Variants in PCCA observed in about 807,000 individuals in gnomAD.
The protein encoded by PCCA is propionyl-CoA carboxylase alpha chain, mitochondrial.
Under a neutral mutation model 101.3 loss-of-function variants are expected in PCCA, and 74 were observed. The observed-to-expected ratio is 0.73, with a 90% CI of 0.61 to 0.89. The LOEUF is 0.89. PCCA is among the 40% of genes least tolerant of loss of function. PCCA has a pLI of 0.00. For missense variants in PCCA, 891 were observed against 907.0 expected, an observed-to-expected ratio of 0.98 and a Z score of 0.23; for synonymous variants, 294 against 313.6, an observed-to-expected ratio of 0.94 and a Z score of 0.66.
intron 14 of PCCA, among the ~76,000 whole-genome samples, chr13:100,304,768 G>A (rs2152689155): frequency 6.6e-6 from 1 of 152,268 alleles, no homozygotes; most frequent in South Asian, 2.1e-4. Flanking sequence ...AGAGCAGTCA[G>A]TTTACCTTAG....
intron 4 of PCCA, among the ~76,000 whole-genome samples, chr13:100,147,690 A>G (rs1302193874): frequency 1.3e-5 from 2 of 152,154 alleles, no homozygotes; most frequent in Non-Finnish European, 2.9e-5. Context: ...TAAAGATTGC[A>G]AGCTAGAGCT....
chr13:100,332,894 C>T (rs1259126608), intron 17 of PCCA, among the ~76,000 whole-genome samples: 1 of 152,118 alleles, frequency 6.6e-6, no homozygotes, highest in Non-Finnish European at 1.5e-5. Context: ...GAAACTAGAG[C>T]TCAGAGATAT....
In PCCA at chr13:100,224,384, C is replaced by A. The variant is rs1594803656; in HGVS notation, c.601-11458C>A. Reference sequence around the variant, plus strand: ...AGCCCACGCCCACCCGGAACTCCAGCTGGCCCGCAAGCGCAGCTAGCAGCC... The same window carrying A: ...AGCCCACGCCCACCCGGAACTCCAGATGGCCCGCAAGCGCAGCTAGCAGCC... On this transcript the variant is annotated intron_variant, in intron 7 of 23. Coordinates refer to ENST00000376285, the MANE Select transcript of PCCA (RefSeq NM_000282.4). 3.3e-5 allele frequency among the ~76,000 whole-genome samples: 5 copies of A among 152,358 alleles called. 1 individual carries two copies. The South Asian group carries it at 1.0e-3, about 32-fold the overall frequency.
chr13:100,098,487 G>A (rs1319851619), intron 1 of PCCA, among the ~76,000 whole-genome samples: 2 of 152,194 alleles, frequency 1.3e-5, no homozygotes, highest in South Asian at 2.1e-4. Context: ...TGAATGCAGT[G>A]TTAGTCAGCC....
At chr13:100,210,197 C>T (rs2059123513) in intron 7 of PCCA, among the ~76,000 whole-genome samples, 1 of 152,166 alleles carries the variant, frequency 6.6e-6, no homozygotes, top group Non-Finnish European at 1.5e-5. Flanking sequence ...AGGCTGGTCT[C>T]AAACTCCTGG....
At chr13:100,140,131 AT>A (rs1483702176) in intron 4 of PCCA, among the ~76,000 whole-genome samples, 1 of 152,170 alleles carries the variant, frequency 6.6e-6, no homozygotes, top group Non-Finnish European at 1.5e-5. Context: ...AGCTTCTCCC[AT>A]TCTGGTTCTT....
chr13:100,102,952 A>G lies in PCCA; in HGVS notation c.175A>G (p.Asn59Asp), dbSNP rs377500178. 1 of 1,588,868 alleles carries G rather than the reference A, an allele frequency of 6.3e-7. No homozygotes were observed. Among genetic ancestry groups the G allele is most frequent in the Non-Finnish European group, 8.6e-7 (1 of 1,157,092 alleles). ...TCTTGGTTCAGTGGGATATGATCCT[A>G]ATGAAAAAGTAAGTATTTAAAAGAT... ...RNLGSVGYDPNEKTFDKILVA... is the reference protein window; with the variant it reads ...RNLGSVGYDPDEKTFDKILVA... The change falls in exon 2 of 24, where the codon AAT becomes GAT. Residue 59 changes from asparagine to aspartate, a missense_variant. Physicochemically the swap from Asn to Asp is conservative, Grantham distance 23. Transcript: ENST00000376285.
At chr13:100,501,544 C>T (rs1055767021) in intron 21 of PCCA, among the ~76,000 whole-genome samples, 1 of 152,184 alleles carries the variant, frequency 6.6e-6, no homozygotes, top group African/African-American at 2.4e-5. Context: ...GGTCCTCAGA[C>T]CAGCAGCTTC....
intron 21 of PCCA, among the ~76,000 whole-genome samples, chr13:100,513,169 G>T: frequency 6.6e-6 from 1 of 152,170 alleles, no homozygotes; most frequent in East Asian, 1.9e-4. Context: ...GTGTTTGTGT[G>T]GTACACTCAC....
chr13:100,225,555 G>A (rs150645888), intron 7 of PCCA, among the ~76,000 whole-genome samples: 34 of 152,256 alleles, frequency 2.2e-4, no homozygotes, highest in African/African-American at 8.2e-4. Flanking sequence ...GAAAGCTAGT[G>A]TGAAGGAAAT....
intron 4 of PCCA, among the ~76,000 whole-genome samples, chr13:100,128,991 A>C (rs952281209): frequency 2.0e-5 from 3 of 151,160 alleles, no homozygotes; most frequent in African/African-American, 7.3e-5. Context: ...CTAGACTCCA[A>C]CTCTGTTTTC....
At chr13:100,524,782 G>A (rs1366767431) in intron 22 of PCCA, among the ~76,000 whole-genome samples, 1 of 152,166 alleles carries the variant, frequency 6.6e-6, no homozygotes, top group East Asian at 1.9e-4. Flanking sequence ...TGAGGCAGAA[G>A]AATCGCTTGA....
At chr13:100,109,152 A>G (rs1368493859) in intron 2 of PCCA, among the ~76,000 whole-genome samples, 1 of 152,254 alleles carries the variant, frequency 6.6e-6, no homozygotes, top group Non-Finnish European at 1.5e-5. Context: ...CTGAATGAGT[A>G]TATATTACAT....
intron 6 of PCCA, 102 bp downstream of exon 6, chr13:100,157,442 T>G: frequency 1.3e-6 from 1 of 798,986 alleles, no homozygotes; most frequent in South Asian, 1.4e-5. Context: ...AGAATTTTAA[T>G]TAACCCAGCA....
chr13:100,138,836 G>A (rs2051493082), intron 4 of PCCA, among the ~76,000 whole-genome samples: 1 of 150,104 alleles, frequency 6.7e-6, no homozygotes, highest in Admixed American at 6.7e-5. Flanking sequence ...TTGGGAGGCT[G>A]AGGCAGGAGA....
chr13:100,206,326 G>T (rs1281737554), intron 6 of PCCA, among the ~76,000 whole-genome samples: 2 of 152,070 alleles, frequency 1.3e-5, no homozygotes, highest in Non-Finnish European at 2.9e-5. Context: ...GAGTGCAGTG[G>T]TGCAATCTTG....
At chr13:100,368,231 A>G (rs1332025547) in intron 18 of PCCA, among the ~76,000 whole-genome samples, 1 of 152,136 alleles carries the variant, frequency 6.6e-6, no homozygotes, top group Non-Finnish European at 1.5e-5. Flanking sequence ...ACCATTTTGA[A>G]TAGTAACCAA....
chr13:100,515,544 G>C lies in PCCA; in HGVS notation c.2017G>C (p.Val673Leu), dbSNP rs142646074. 5,118 of 1,613,964 alleles carry C rather than the reference G, an allele frequency of 3.2e-3. 9 individuals are homozygous for C. The highest frequency in any genetic ancestry group is 3.8e-3 in the Non-Finnish European group (4,448 of 1,179,982). ...RSPMPGVVVA[V>L]SVKPGDAVAE... The stretch of plus-strand genomic sequence containing the variant: ...CCCGATGCCCGGAGTGGTGGTGGCC[G>C]TCTCTGTCAAGCCTGGAGACGCGGT... The change falls in exon 22 of 24, where the codon GTC becomes CTC. Residue 673 changes from valine to leucine, a missense_variant. Transcript: ENST00000376285.
At chr13:100,278,551 G>A (rs1344168728) in intron 12 of PCCA, among the ~76,000 whole-genome samples, 3 of 150,914 alleles carry the variant, frequency 2.0e-5, no homozygotes, top group African/African-American at 4.9e-5. Flanking sequence ...GCGTGATCTC[G>A]GCCTGCAAAC....
Sources: gnomAD v4.1 joint callset for allele counts (sites outside exome capture counted in the v4.1 genomes callset) on GRCh38, gnomAD v4.1.1 for gene constraint, MANE v1.5 for transcripts, NCBI Gene and HGNC (gene_info 2026-07-23, HGNC 2026-07-21) for gene names.